Variants in PGM1 observed in about 807,000 individuals in gnomAD.
PGM1 encodes phosphoglucomutase 1, also known as phosphoglucomutase-1.
Under a neutral mutation model 55.6 loss-of-function variants are expected in PGM1, and 52 were observed. The observed-to-expected ratio is 0.94, with a 90% CI of 0.75 to 1.18. The LOEUF (loss-of-function observed/expected upper bound fraction) is 1.18. PGM1 is among the 50% of genes most tolerant of loss of function. The pLI, the probability that PGM1 is intolerant of heterozygous loss-of-function variation, is 0.00. For synonymous variants in PGM1, 287 were observed against 271.7 expected (o/e 1.06, Z -0.55); for missense variants, 724 against 729.3 (o/e 0.99, Z 0.08).
intron 4 of PGM1, 118 bp from the exon 5 acceptor site, chr1:63,634,711 T>G: frequency 1.2e-6 from 1 of 801,344 alleles, no homozygotes; most frequent in Non-Finnish European, 2.2e-6. Flanking sequence ...CACACATTCC[T>G]GTTGTTTCTC....
chr1:63,633,233 G>C (rs952310907), intron 4 of PGM1, among the ~76,000 whole-genome samples: 1 of 152,130 alleles, frequency 6.6e-6, no homozygotes, highest in Non-Finnish European at 1.5e-5. Context: ...TCATGGAGTC[G>C]GTGGCTGTGG....
intron 1 of PGM1, among the ~76,000 whole-genome samples, chr1:63,595,151 C>T (rs1013765574): frequency 9.9e-5 from 15 of 152,170 alleles, no homozygotes; most frequent in Non-Finnish European, 2.1e-4. Context: ...TTTAATAGTA[C>T]TTTATTTATC....
At position 63,597,646 on chromosome 1, in the gene PGM1, G is replaced by T. The variant is rs115267548; in HGVS notation, c.246+3912G>T. ...TCCAAGTGAAAAAGGAATTTTATTG[G>T]CCCATGTTACTGAAAAGTCCAAGAG... On this transcript the variant is annotated intron_variant, in intron 1 of 10. Transcript: ENST00000371084. Among the ~76,000 whole-genome samples the T allele has an allele frequency of 9.2e-3, 1,406 of 152,230 alleles. 24 individuals are homozygous for T. The highest frequency in any genetic ancestry group is 0.031 in the African/African-American group (1,290 of 41,544).
intron 1 of PGM1, among the ~76,000 whole-genome samples, chr1:63,607,197 T>C (rs1364760750): frequency 6.6e-6 from 1 of 152,202 alleles, no homozygotes; most frequent in Non-Finnish European, 1.5e-5. Context: ...GGGTAGACTT[T>C]ACATGGACCA....
rs185314150 is a variant in PGM1 at position 63,621,180 on chromosome 1, A to G, written c.247-8245A>G. ...ATGTTCTTTTGGTATAGTTTTGCATATTGACAAACACCATGCCTGGCATGT... is the reference window on the plus strand; with the variant it reads ...ATGTTCTTTTGGTATAGTTTTGCATGTTGACAAACACCATGCCTGGCATGT... On this transcript the variant is annotated intron_variant, in intron 1 of 10. Transcript: ENST00000371084. Among the ~76,000 whole-genome samples, 10 of 152,176 alleles carry G rather than the reference A, an allele frequency of 6.6e-5. No individual in the cohort carries two copies. In the East Asian group the frequency reaches 1.2e-3, roughly 18 times the overall value.
intron 1 of PGM1, among the ~76,000 whole-genome samples, chr1:63,622,343 A>G (rs1384078538): frequency 6.6e-6 from 1 of 152,192 alleles, no homozygotes. Flanking sequence ...ACATGTATGT[A>G]TTTAAATAGA....
intron 1 of PGM1, among the ~76,000 whole-genome samples, chr1:63,614,860 CAT>C (rs1557706683): frequency 6.6e-6 from 1 of 152,172 alleles, no homozygotes; most frequent in Non-Finnish European, 1.5e-5. Context: ...GCATTTGAAA[CAT>C]GACCCAGCAC....
At chr1:63,648,710 C>A (rs2100998618) in intron 8 of PGM1, 58 bp downstream of exon 8, 2 of 1,574,952 alleles carry the variant, frequency 1.3e-6, no homozygotes, top group Non-Finnish European at 1.7e-6. Context: ...AGAGAGAATT[C>A]TTGCGCATCC....
At chr1:63,640,838 T>C (rs1448274175) in intron 7 of PGM1, among the ~76,000 whole-genome samples, 1 of 152,190 alleles carries the variant, frequency 6.6e-6, no homozygotes, top group East Asian at 1.9e-4. Context: ...CTCTAGGTGC[T>C]TCTGAGTTTG....
chr1:63,636,502 T>A, intron 6 of PGM1, 114 bp downstream of exon 6: 1 of 1,083,088 alleles, frequency 9.2e-7, no homozygotes, highest in Non-Finnish European at 1.4e-6. Context: ...ATCTGATGCA[T>A]AGAGTGTGCT....
intron 8 of PGM1, among the ~76,000 whole-genome samples, chr1:63,651,077 A>G (rs6689736): frequency 0.042 from 6,113 of 145,092 alleles, 406 homozygotes; most frequent in African/African-American, 0.15. Flanking sequence ...AAAATTAATG[A>G]AAAAAAAAAA....
In PGM1 at chr1:63,631,672, CG is replaced by C. The variant is rs1557432274; in HGVS notation, c.574del (p.Val192Ter). ...GTTCTCACAGTGGAAATTGTGGATT[CG>C]GTAGAAGCTTATGCTACAATGCTGA... is the stretch of plus-strand genomic sequence containing the variant. ...FKPFTVEIVD[S>X]VEAYATMLRS... is the part of the protein sequence containing the mutation. On this transcript the variant is annotated frameshift_variant, in exon 4 of 11. Transcript: ENST00000371084. LOFTEE classifies it high-confidence loss of function. 1 of 1,613,130 alleles carries C rather than the reference CG, an allele frequency of 6.2e-7. No individual in the cohort carries two copies.
In PGM1 at chr1:63,633,947, T is replaced by TTTTA. The variant is rs1557433855; in HGVS notation, c.683-879_683-878insATTT. Among the ~76,000 whole-genome samples, 284 of 119,770 alleles carry TTTTA rather than the reference T, an allele frequency of 2.4e-3. 6 individuals carry two copies. Among genetic ancestry groups the TTTTA allele is most frequent in the African/African-American group, 9.2e-3 (277 of 30,162 alleles). The allele number at this position is 119,770 out of a possible 152,430, so 78.6% of individuals were successfully genotyped here. ...ATATATATATATTTTTTTTTTTTTT[T>TTTTA]TTTTTTTTTTTTTTAGTAGAGACAG... On this transcript the variant is annotated intron_variant, in intron 4 of 10. Coordinates refer to ENST00000371084, the MANE Select transcript of PGM1 (RefSeq NM_002633.3).
chr1:63,606,902 A>G lies in PGM1; in HGVS notation c.246+13168A>G, dbSNP rs114411944. ...GAGACCTTGGCCGTCAATTATTCCA[A>G]CCCCACTTTAGAAAGGAACCAAGGC... On this transcript the variant is annotated intron_variant, in intron 1 of 10. Transcript: ENST00000371084. 3.3e-3 allele frequency among the ~76,000 whole-genome samples: 507 copies of G among 152,228 alleles called. 2 individuals are homozygous for G. Among genetic ancestry groups the G allele is most frequent in the Non-Finnish European group, 5.9e-3 (398 of 68,034 alleles).
intron 7 of PGM1, among the ~76,000 whole-genome samples, chr1:63,639,217 C>A (rs1238386522): frequency 6.6e-6 from 1 of 152,022 alleles, no homozygotes; most frequent in African/African-American, 2.4e-5. Flanking sequence ...AGCATTAAAT[C>A]TTTCTCTTTT....
At chr1:63,658,103 C>T (rs559805258) in intron 10 of PGM1, among the ~76,000 whole-genome samples, 9 of 152,336 alleles carry the variant, frequency 5.9e-5, no homozygotes, top group Middle Eastern at 3.4e-3. Flanking sequence ...GCTGCTAGGC[C>T]ATCAGCACTT....
intron 1 of PGM1, among the ~76,000 whole-genome samples, chr1:63,627,054 C>T: frequency 3.1e-5 from 1 of 32,092 alleles, no homozygotes; most frequent in Non-Finnish European, 1.0e-4. Flanking sequence ...TATGGCAGGA[C>T]CCCCCCCCCC....
At chr1:63,623,312 G>A in intron 1 of PGM1, 1 of 1,472,580 alleles carries the variant, frequency 6.8e-7, no homozygotes, top group Non-Finnish European at 8.9e-7. Flanking sequence ...AATTAACCAA[G>A]CTTTCTCATT....
intron 8 of PGM1, 141 bp from the exon 9 acceptor site, chr1:63,651,528 C>T: frequency 4.1e-6 from 3 of 724,068 alleles, no homozygotes; most frequent in Non-Finnish European, 7.3e-6. Flanking sequence ...GACTGACAGG[C>T]CTGTATTTTT....
Sources: allele counts gnomAD v4.1 joint callset (sites outside exome capture counted in the v4.1 genomes callset), GRCh38; gene constraint gnomAD v4.1.1; transcripts MANE v1.5; gene names NCBI Gene and HGNC (gene_info 2026-07-23, HGNC 2026-07-21).